KDM4B: variants seen among roughly 807,000 people sequenced by gnomAD.
KDM4B encodes lysine demethylase 4B.
Under a neutral mutation model 125.2 loss-of-function variants are expected in KDM4B, and 32 were observed. The ratio of observed to expected loss-of-function variants is 0.26; its 90% CI spans 0.19 to 0.34. The LOEUF (loss-of-function observed/expected upper bound fraction) is 0.34. Among genes scored for constraint, KDM4B ranks in the 10% least tolerant of loss-of-function variants. The pLI, the probability that KDM4B is intolerant of heterozygous loss-of-function variation, is 1.00. For synonymous variants in KDM4B, 721 were observed against 677.9 expected (o/e 1.06, Z -0.99); for missense variants, 1,190 against 1,577.7 (o/e 0.75, Z 4.16).
At chr19:5,026,971 A>T in intron 2 of KDM4B, among the ~76,000 whole-genome samples, 1 of 152,190 alleles carries the variant, frequency 6.6e-6, no homozygotes, top group East Asian at 1.9e-4. Context: ...GTTGTTGGGA[A>T]CTATGTTGGC....
intron 4 of KDM4B, 105 bp from the exon 5 acceptor site, chr19:5,041,032 C>G (rs2036797949): frequency 2.9e-6 from 2 of 686,382 alleles, no homozygotes; most frequent in Non-Finnish European, 5.1e-6. Flanking sequence ...GGAGCAGAGC[C>G]CCTCCCGCCT....
chr19:5,061,052 G>A (rs561812167), intron 6 of KDM4B, among the ~76,000 whole-genome samples: 1 of 152,326 alleles, frequency 6.6e-6, no homozygotes, highest in African/African-American at 2.4e-5. Context: ...GGATCCTCAG[G>A]GTGCTGACCC....
intron 17 of KDM4B, 113 bp from the exon 18 acceptor site, chr19:5,137,849 T>C (rs2039676877): frequency 9.3e-7 from 1 of 1,078,406 alleles, no homozygotes; most frequent in Non-Finnish European, 1.3e-6. Context: ...GCACCGACCT[T>C]CCTGAAGTTC....
At chr19:5,086,069 G>C (rs1032113210) in intron 9 of KDM4B, among the ~76,000 whole-genome samples, 38 of 152,288 alleles carry the variant, frequency 2.5e-4, no homozygotes, top group African/African-American at 7.9e-4. Context: ...TGCGTTTCGG[G>C]CCACTTTGTT....
chr19:5,135,125 C>T (rs1387672890), intron 14 of KDM4B, among the ~76,000 whole-genome samples: 14 of 151,906 alleles, frequency 9.2e-5, no homozygotes, highest in African/African-American at 3.4e-4. Flanking sequence ...AGGTCTTCGG[C>T]GGGTTGGGGA....
intron 17 of KDM4B, 119 bp downstream of exon 17, chr19:5,137,795 G>A (rs2039675626): frequency 1.8e-6 from 2 of 1,103,274 alleles, no homozygotes; most frequent in African/African-American, 1.6e-5. Flanking sequence ...TAACCGCCCT[G>A]TGTCATGGAT....
At chr19:4,974,391 G>A (rs1599330661) in intron 1 of KDM4B, among the ~76,000 whole-genome samples, 1 of 151,922 alleles carries the variant, frequency 6.6e-6, no homozygotes, top group Admixed American at 6.6e-5. Context: ...GACAGAGCGA[G>A]ACTCCATCTC....
At chr19:5,092,877 A>T (rs1007376879) in intron 9 of KDM4B, among the ~76,000 whole-genome samples, 1 of 151,972 alleles carries the variant, frequency 6.6e-6, no homozygotes, top group Non-Finnish European at 1.5e-5. Flanking sequence ...TAACCTGGAG[A>T]GTGAGAGAGA....
At chr19:4,996,502 T>C (rs2035204649) in intron 1 of KDM4B, among the ~76,000 whole-genome samples, 1 of 151,916 alleles carries the variant, frequency 6.6e-6, no homozygotes, top group Non-Finnish European at 1.5e-5. Flanking sequence ...GCCTCCCAAG[T>C]TGCTGGGGCC....
At chr19:4,980,421 CTTTTTTTT>C (rs572345837) in intron 1 of KDM4B, among the ~76,000 whole-genome samples, 1 of 109,730 alleles carries the variant, frequency 9.1e-6, no homozygotes, top group African/African-American at 3.6e-5. Context: ...CCTTTTCTTT[CTTTTTTTT>C]TTTTTTTTTT....
At chr19:5,021,455 T>C (rs1032016299) in intron 2 of KDM4B, among the ~76,000 whole-genome samples, 5 of 151,808 alleles carry the variant, frequency 3.3e-5, no homozygotes, top group Non-Finnish European at 7.4e-5. Flanking sequence ...AAGTACTGGG[T>C]GTGGTGGCAT....
intron 10 of KDM4B, 95 bp from the exon 11 acceptor site, chr19:5,119,558 G>C (rs1368961272): frequency 8.1e-7 from 1 of 1,228,426 alleles, no homozygotes; most frequent in African/African-American, 1.5e-5. Flanking sequence ...TCTTCTGGGG[G>C]TGGGCGGGGG....
chr19:5,011,053 G>A (rs2035712481), intron 1 of KDM4B, among the ~76,000 whole-genome samples: 1 of 152,170 alleles, frequency 6.6e-6, no homozygotes, highest in Non-Finnish European at 1.5e-5. Context: ...GAGGTAGGTG[G>A]TCCTCGTTTT....
At chr19:5,058,834 CCAAA>C (rs1228626070) in intron 6 of KDM4B, among the ~76,000 whole-genome samples, 1 of 152,196 alleles carries the variant, frequency 6.6e-6, no homozygotes, top group Non-Finnish European at 1.5e-5. Context: ...GAGGTAGGAG[CCAAA>C]CAAACCTGGC....
chr19:5,076,082 G>C (rs2038098503), intron 7 of KDM4B: 1 of 154,704 alleles, frequency 6.5e-6, no homozygotes, highest in Non-Finnish European at 1.4e-5. Context: ...TTGACTGAGT[G>C]ACGAGAGCGG....
At chr19:5,136,470 T>C (rs548551696) in intron 15 of KDM4B, among the ~76,000 whole-genome samples, 2 of 152,298 alleles carry the variant, frequency 1.3e-5, no homozygotes, top group South Asian at 4.1e-4. Context: ...GTGGCCTGCC[T>C]GGGGGCTCGC....
intron 1 of KDM4B, among the ~76,000 whole-genome samples, chr19:4,999,746 T>TATCC (rs1374133911): frequency 3.9e-5 from 4 of 103,294 alleles, no homozygotes. Flanking sequence ...CCTGTCCATC[T>TATCC]ATCCATCTAT....
chr19:5,139,675 C>G (rs979900871), intron 18 of KDM4B, among the ~76,000 whole-genome samples: 2 of 152,254 alleles, frequency 1.3e-5, no homozygotes, highest in Non-Finnish European at 2.9e-5. Context: ...GTCAGTGACG[C>G]TGGGCATCTT....
At chr19:5,119,330 C>A in intron 10 of KDM4B, 1 of 736,984 alleles carries the variant, frequency 1.4e-6, no homozygotes, top group Admixed American at 2.5e-5. Flanking sequence ...CGGCTCCTGC[C>A]GCCCCGTCCC....
Sources: gnomAD v4.1 joint callset for allele counts (sites outside exome capture counted in the v4.1 genomes callset) on GRCh38, gnomAD v4.1.1 for gene constraint, MANE v1.5 for transcripts, NCBI Gene and HGNC (gene_info 2026-07-23, HGNC 2026-07-21) for gene names.